Variants in FOXD4L4 observed in about 807,000 individuals in gnomAD.
The protein encoded by FOXD4L4 is forkhead box D4 like 4.
Under a neutral mutation model 24.1 loss-of-function variants are expected in FOXD4L4, and 5 were observed. That is an observed-to-expected ratio of 0.21 (90% confidence interval 0.11 to 0.44). FOXD4L4 has a LOEUF of 0.44. Ranked by LOEUF, FOXD4L4 falls within the 20% of genes least tolerant of loss-of-function variation. The pLI is 0.99. For synonymous variants in FOXD4L4, 71 were observed against 276.2 expected (o/e 0.26, Z 7.37); for missense variants, 128 against 617.5 (o/e 0.21, Z 8.40).
chr9:65,738,018 G>T, exon 1 of FOXD4L4: 2 of 1,605,628 alleles, frequency 1.2e-6, no homozygotes, highest in South Asian at 1.1e-5. Context: ...CGGACCTGGC[G>T]ACCCCGGCAC....
At chr9:65,737,973 C>T (rs1336933322) in exon 1 of FOXD4L4, 13 of 1,600,794 alleles carry the variant, frequency 8.1e-6, no homozygotes, top group Non-Finnish European at 1.1e-5. Flanking sequence ...TCTCGGCCCG[C>T]GTCTATGCCG....
exon 1 of FOXD4L4, chr9:65,737,409 C>G: frequency 6.2e-7 from 1 of 1,608,676 alleles, no homozygotes; most frequent in Non-Finnish European, 8.5e-7. Flanking sequence ...AGTTTGGCAC[C>G]AAGTTCAGGG....
At chr9:65,738,054 G>A (rs1399320647) in exon 1 of FOXD4L4, 5 of 1,607,134 alleles carry the variant, frequency 3.1e-6, no homozygotes, top group Non-Finnish European at 4.2e-6. Flanking sequence ...GCCCTCACTT[G>A]GTCCTCAGCC....
chr9:65,737,842 C>G (rs1324673907), exon 1 of FOXD4L4: 1 of 1,606,960 alleles, frequency 6.2e-7, no homozygotes, highest in Admixed American at 1.7e-5. Context: ...CAACCCCCAC[C>G]CAGGCCCTCT....
chr9:65,738,183 C>T (rs1832999395), exon 1 of FOXD4L4: 1 of 1,600,988 alleles, frequency 6.2e-7, no homozygotes, highest in Non-Finnish European at 8.5e-7. Context: ...GAGTTTGTCC[C>T]CGACCGCGTG....
exon 1 of FOXD4L4, chr9:65,738,045 C>A: frequency 1.2e-6 from 2 of 1,607,580 alleles, no homozygotes; most frequent in Middle Eastern, 2.3e-4. Flanking sequence ...CGTGCTGCAG[C>A]CCTCACTTGG....
exon 1 of FOXD4L4, chr9:65,737,636 ACTG>A (rs1832987723): frequency 6.4e-7 from 1 of 1,568,962 alleles, no homozygotes; most frequent in Non-Finnish European, 8.7e-7. Flanking sequence ...TCGCTGAACG[ACTG>A]CTTCGTTAAG....
At chr9:65,737,370 G>GGTC in exon 1 of FOXD4L4, 1 of 1,611,420 alleles carries the variant, frequency 6.2e-7, no homozygotes, top group South Asian at 1.1e-5. Flanking sequence ...AGCACATCGA[G>GGTC]GGCGGCGGCG....
At chr9:65,737,870 C>G in exon 1 of FOXD4L4, 2 of 1,603,440 alleles carry the variant, frequency 1.2e-6, no homozygotes, top group African/African-American at 1.3e-5. Flanking sequence ...GCCCCTGCCC[C>G]GCCGCAGCCA....
At chr9:65,737,961 G>C in exon 1 of FOXD4L4, 1 of 1,600,692 alleles carries the variant, frequency 6.2e-7, no homozygotes, top group South Asian at 1.1e-5. Flanking sequence ...GCTACCTACT[G>C]CTCTCGGCCC....
At chr9:65,737,630 T>G in exon 1 of FOXD4L4, 1 of 1,589,886 alleles carries the variant, frequency 6.3e-7, no homozygotes, top group South Asian at 1.1e-5. Context: ...AACCTCTCGC[T>G]GAACGACTGC....
At chr9:65,737,731 A>C in exon 1 of FOXD4L4, 1 of 1,608,900 alleles carries the variant, frequency 6.2e-7, no homozygotes, top group Non-Finnish European at 8.5e-7. Flanking sequence ...CGACAATGGC[A>C]GCTTTCTCCG....
At chr9:65,738,084 C>A in exon 1 of FOXD4L4, 2 of 1,604,484 alleles carry the variant, frequency 1.2e-6, no homozygotes, top group Non-Finnish European at 8.5e-7. Flanking sequence ...GGGCAAGGGT[C>A]TGGCGTCGCC....
At chr9:65,737,934 G>C in exon 1 of FOXD4L4, 1 of 1,602,672 alleles carries the variant, frequency 6.2e-7, no homozygotes. Flanking sequence ...ACGCTCTGCT[G>C]CACCCGCATC....
chr9:65,737,350 CT>C, the FOXD4L4 span: 2 of 1,612,310 alleles, frequency 1.2e-6, no homozygotes, highest in East Asian at 4.5e-5. Context: ...CGGGGTTGCG[CT>C]TCCCCGAGAG....
chr9:65,737,999 C>A, exon 1 of FOXD4L4: 3 of 1,604,336 alleles, frequency 1.9e-6, no homozygotes, highest in Non-Finnish European at 2.5e-6. Flanking sequence ...CCGAAGAAAG[C>A]AGAAGGCGCG....
chr9:65,737,967 G>A, exon 1 of FOXD4L4: 1 of 1,601,066 alleles, frequency 6.2e-7, no homozygotes. Flanking sequence ...TACTGCTCTC[G>A]GCCCGCGTCT....
chr9:65,738,182 C>A lies in FOXD4L4; in HGVS notation c.1037C>A (p.Pro346His), dbSNP rs1554706963. Reference sequence around the variant, plus strand: ...GTACAGGGGCTGCGCAGAGTTTGTCCCCGACCGCGTGGAGCTACTGCCACC... The same window carrying A: ...GTACAGGGGCTGCGCAGAGTTTGTCACCGACCGCGTGGAGCTACTGCCACC... The change falls in exon 1 of 1, where the codon CCC becomes CAC. Residue 346 changes from proline (P) to histidine (H), a missense_variant. Coordinates refer to ENST00000377413, the Ensembl canonical transcript of FOXD4L4. 21 of 1,601,044 alleles carry A rather than the reference C, an allele frequency of 1.3e-5. 1 individual carries two copies. The South Asian group carries it at 2.1e-4, about 16-fold the overall frequency.
the FOXD4L4 span, chr9:65,738,184 C>T: frequency 6.2e-7 from 1 of 1,600,964 alleles, no homozygotes. Flanking sequence ...AGTTTGTCCC[C>T]GACCGCGTGG....
Sources: gnomAD v4.1 joint callset for allele counts on GRCh38, gnomAD v4.1.1 for gene constraint, MANE v1.5 for transcripts, NCBI Gene and HGNC (gene_info 2026-07-23, HGNC 2026-07-21) for gene names.